KIAA1217: variants seen among roughly 807,000 people sequenced by gnomAD.
The protein encoded by KIAA1217 is KIAA1217.
KIAA1217 carries 88 observed loss-of-function variants against 163.9 expected under a neutral mutation model. The ratio of observed to expected loss-of-function variants is 0.54; its 90% CI spans 0.45 to 0.64. KIAA1217 has a LOEUF of 0.64. Among genes scored for constraint, KIAA1217 ranks in the 30% least tolerant of loss-of-function variants. The pLI is 0.00. For missense variants in KIAA1217, 2,372 were observed against 2,475.0 expected (o/e 0.96, Z 0.88); for synonymous variants, 903 against 923.1 (o/e 0.98, Z 0.39).
intron 1 of KIAA1217, among the ~76,000 whole-genome samples, chr10:23,722,266 A>G (rs1399198010): frequency 1.3e-5 from 2 of 152,190 alleles, no homozygotes; most frequent in African/African-American, 4.8e-5. Context: ...TTGCAAGATG[A>G]AAAGAGTTCT....
At chr10:24,484,224 C>CATATATATAG (rs2065065728) in intron 6 of KIAA1217, among the ~76,000 whole-genome samples, 1 of 90,544 alleles carries the variant, frequency 1.1e-5, no homozygotes, top group African/African-American at 4.7e-5. Context: ...GATAGATATA[C>CATATATATAG]ATATATATAT....
intron 2 of KIAA1217, among the ~76,000 whole-genome samples, chr10:24,380,076 A>G (rs2053084229): frequency 6.6e-6 from 1 of 151,886 alleles, no homozygotes; most frequent in Non-Finnish European, 1.5e-5. Flanking sequence ...TAAAATAAAA[A>G]TCTCCCTTGC....
intron 1 of KIAA1217, among the ~76,000 whole-genome samples, chr10:23,720,003 T>C (rs1837782806): frequency 6.6e-6 from 1 of 152,054 alleles, no homozygotes; most frequent in Non-Finnish European, 1.5e-5. Flanking sequence ...AGATTGGTGG[T>C]TGCCAGGGCC....
chr10:24,532,038 G>T, intron 15 of KIAA1217, 45 bp downstream of exon 15: 1 of 1,430,478 alleles, frequency 7.0e-7, no homozygotes, highest in South Asian at 1.7e-5. Flanking sequence ...GGGTTCAGAT[G>T]ATACCCTTAG....
chr10:23,742,067 G>A (rs1160489434), intron 1 of KIAA1217, among the ~76,000 whole-genome samples: 1 of 152,212 alleles, frequency 6.6e-6, no homozygotes, highest in East Asian at 1.9e-4. Flanking sequence ...TGGTGGCGCA[G>A]GTAGGAAGCA....
At chr10:24,130,082 T>A (rs2063597859) in intron 2 of KIAA1217, among the ~76,000 whole-genome samples, 1 of 152,166 alleles carries the variant, frequency 6.6e-6, no homozygotes, top group Non-Finnish European at 1.5e-5. Context: ...GAAAAACCTT[T>A]TTACTCACAT....
intron 2 of KIAA1217, chr10:24,367,172 C>A: frequency 1.0e-6 from 1 of 985,460 alleles, no homozygotes; most frequent in Non-Finnish European, 1.2e-6. Context: ...TTCAAAGGTA[C>A]TTGATGAAAA....
At chr10:24,476,101 G>C (rs1205257568) in intron 6 of KIAA1217, among the ~76,000 whole-genome samples, 2 of 152,228 alleles carry the variant, frequency 1.3e-5, no homozygotes, top group Non-Finnish European at 2.9e-5. Flanking sequence ...ACCTGAATTT[G>C]CATGAAAACA....
intron 2 of KIAA1217, among the ~76,000 whole-genome samples, chr10:24,242,670 C>T (rs1396027378): frequency 1.3e-5 from 2 of 152,168 alleles, no homozygotes; most frequent in East Asian, 3.8e-4. Context: ...CTCCACACTG[C>T]CTTCCACGGT....
intron 2 of KIAA1217, among the ~76,000 whole-genome samples, chr10:24,315,929 TGG>T (rs11350159): frequency 2.7e-4 from 39 of 141,946 alleles, no homozygotes; most frequent in Admixed American, 4.3e-4. Context: ...TTTTATCTAA[TGG>T]GGGGGGGGAA....
At chr10:24,304,085 T>G (rs1413891090) in intron 2 of KIAA1217, among the ~76,000 whole-genome samples, 4 of 151,626 alleles carry the variant, frequency 2.6e-5, no homozygotes, top group Non-Finnish European at 5.9e-5. Flanking sequence ...CCCAAGTTGG[T>G]TGACTCAACA....
chr10:24,288,747 G>A (rs572438540), intron 2 of KIAA1217, among the ~76,000 whole-genome samples: 28 of 152,336 alleles, frequency 1.8e-4, no homozygotes, highest in South Asian at 6.2e-4. Context: ...GGTATGTCCT[G>A]TGCAGAGTTT....
rs191620223 is a variant in KIAA1217, at chr10:24,512,397, G to A, written c.2002-862G>A. On this transcript the variant is annotated intron_variant, in intron 9 of 20. Coordinates refer to ENST00000376454, the MANE Select transcript of KIAA1217 (RefSeq NM_019590.5). ...GGAGGCTGATTGAGTGAATTCACTC[G>A]ATGGAGCTGCTGTTAGAAAATTGTC... 3.1e-4 allele frequency among the ~76,000 whole-genome samples: 47 copies of A among 152,204 alleles called. 1 individual carries two copies. The highest frequency in any genetic ancestry group is 4.1e-4 in the Non-Finnish European group (28 of 68,010).
intron 14 of KIAA1217, 139 bp downstream of exon 14, chr10:24,528,258 G>A (rs2072506073): frequency 3.1e-6 from 2 of 644,076 alleles, no homozygotes; most frequent in South Asian, 2.5e-5. Context: ...AAACCTGGAA[G>A]AGCAAATCCT....
rs981051326 is a variant in KIAA1217 at position 23,882,517 on chromosome 10, T to C, written c.-320-124708T>C. 2.0e-5 allele frequency among the ~76,000 whole-genome samples: 3 copies of C among 152,026 alleles called. 1 individual carries two copies. The highest frequency in any genetic ancestry group is 2.0e-4 in the Admixed American group (3 of 15,248). On this transcript the variant is annotated intron_variant, in intron 1 of 18. Coordinates refer to the KIAA1217 transcript ENST00000376462. ...CCCTCATGTTTGAATTATGATTGTT[T>C]TATGTTGTTTGAAATAGCACCTGGG...
chr10:23,960,644 A>G (rs550539676), intron 1 of KIAA1217, among the ~76,000 whole-genome samples: 29 of 152,358 alleles, frequency 1.9e-4, no homozygotes, highest in Non-Finnish European at 7.3e-5. Flanking sequence ...GCTGAATGTA[A>G]TATTTCTGCT....
At position 23,946,267 on chromosome 10, in the gene KIAA1217, TAAAAAAAA is replaced by T. The variant is rs35262067; in HGVS notation, c.-320-60948_-320-60941del. Reference sequence around the variant, plus strand: ...GTGTGCCTCCAATGTCTCTTCCGTTTAAAAAAAAAAAAAAAAAGTAAAGGAGCTATTTG... The same window carrying T: ...GTGTGCCTCCAATGTCTCTTCCGTTTAAAAAAAAAGTAAAGGAGCTATTTG... On this transcript the variant is annotated intron_variant, in intron 1 of 18. Transcript: ENST00000376462. Among the ~76,000 whole-genome samples, 3 of 115,756 alleles carry T rather than the reference TAAAAAAAA, an allele frequency of 2.6e-5. No individual in the cohort carries two copies. In the South Asian group the frequency reaches 8.4e-4, roughly 33 times the overall value. 75.9% of individuals were successfully genotyped at this position (115,756 alleles called of 152,430 possible). A position where few individuals can be genotyped will look rare whatever the true frequency, so the allele number is the denominator to read the frequency against.
intron 1 of KIAA1217, among the ~76,000 whole-genome samples, chr10:23,855,912 C>G (rs1418493897): frequency 6.6e-6 from 1 of 152,160 alleles, no homozygotes; most frequent in East Asian, 1.9e-4. Context: ...ATACATTTGT[C>G]TAAATTTTTT....
intron 3 of KIAA1217, among the ~76,000 whole-genome samples, chr10:24,416,307 C>G (rs762116479): frequency 1.1e-4 from 16 of 152,126 alleles, no homozygotes; most frequent in Non-Finnish European, 2.2e-4. Context: ...TAATCAGATC[C>G]CTGCAGAAGT....
Sources: gnomAD v4.1 joint callset for allele counts (sites outside exome capture counted in the v4.1 genomes callset) on GRCh38, gnomAD v4.1.1 for gene constraint, MANE v1.5 for transcripts, NCBI Gene and HGNC (gene_info 2026-07-23, HGNC 2026-07-21) for gene names.